Variants in ZSWIM6 observed in about 807,000 individuals in gnomAD.
ZSWIM6 encodes the protein zinc finger SWIM-type containing 6.
Under a neutral mutation model 113.2 loss-of-function variants are expected in ZSWIM6, and 9 were observed. That is an observed-to-expected ratio of 0.08 (90% CI 0.05 to 0.14). The LOEUF (loss-of-function observed/expected upper bound fraction) is 0.14, where lower values mean the gene tolerates loss of function less well. Ranked by LOEUF, ZSWIM6 falls within the 10% of genes least tolerant of loss-of-function variation. The probability of loss-of-function intolerance (pLI) is 1.00; values close to 1 mark genes in which losing one functional copy is unlikely to be tolerated. For synonymous variants in ZSWIM6, 611 were observed against 606.5 expected (o/e 1.01, Z -0.11); for missense variants, 1,162 against 1,552.2 (o/e 0.75, Z 4.22).
At chr5:61,430,196 G>T (rs980393606) in intron 1 of ZSWIM6, among the ~76,000 whole-genome samples, 2 of 152,004 alleles carry the variant, frequency 1.3e-5, no homozygotes, top group Admixed American at 1.3e-4. Flanking sequence ...AAGAAAGGTG[G>T]GAGGTGGCCT....
chr5:61,416,365 T>G (rs1355654164), intron 1 of ZSWIM6, among the ~76,000 whole-genome samples: 1 of 152,216 alleles, frequency 6.6e-6, no homozygotes. Context: ...AAATTTTTAA[T>G]AAGAATTTTA....
intron 1 of ZSWIM6, among the ~76,000 whole-genome samples, chr5:61,341,365 G>A (rs1744540622): frequency 1.3e-5 from 2 of 152,280 alleles, no homozygotes; most frequent in East Asian, 1.9e-4. Context: ...ATTAATCGTC[G>A]TAAAATGTAT....
intron 1 of ZSWIM6, among the ~76,000 whole-genome samples, chr5:61,381,402 A>T (rs1188253441): frequency 6.6e-6 from 1 of 152,252 alleles, no homozygotes; most frequent in Non-Finnish European, 1.5e-5. Flanking sequence ...CTTACTTTTT[A>T]AAGAGTATTT....
At chr5:61,435,741 T>G (rs1310074400) in intron 1 of ZSWIM6, among the ~76,000 whole-genome samples, 1 of 152,208 alleles carries the variant, frequency 6.6e-6, no homozygotes, top group African/African-American at 2.4e-5. Flanking sequence ...ATTTATTATA[T>G]TTTATAAGGT....
At chr5:61,531,416 T>C (rs1749426302) in intron 8 of ZSWIM6, 49 bp from the exon 9 acceptor site, 1 of 1,517,258 alleles carries the variant, frequency 6.6e-7, no homozygotes, top group Non-Finnish European at 8.9e-7. Context: ...TATCATATCA[T>C]CTGCAAAAGT....
Position 61,539,604 on chromosome 5 carries a change from C to T in ZSWIM6, c.2548C>T (p.Arg850Trp), listed in dbSNP as rs530583602. Reference sequence around the variant, plus strand: ...TCCCTTGTTCATTGCAGGCGATGTTCGGAGGCTGGAAACAGTATTAGAATC... The same window carrying T: ...TCCCTTGTTCATTGCAGGCGATGTTTGGAGGCTGGAAACAGTATTAGAATC... ...TMLTAAKGDVRRLETVLESIQ... is the reference protein window; with the variant it reads ...TMLTAAKGDVWRLETVLESIQ... Residue 850 changes from arginine to tryptophan, a missense_variant, in exon 12 of 14, where the codon CGG becomes TGG. By Grantham distance (101) the Arg-to-Trp change is moderately radical. Transcript: ENST00000252744. The T allele has an allele frequency of 1.0e-5, 16 of 1,550,320 alleles. No individual in the cohort carries two copies. Among genetic ancestry groups the T allele is most frequent in the Middle Eastern group, 1.7e-4 (1 of 5,990 alleles).
chr5:61,543,733 A>G lies in ZSWIM6; in HGVS notation c.3064A>G (p.Thr1022Ala). The change falls in exon 14 of 14, where the codon ACG becomes GCG. Residue 1022 changes from threonine (T) to alanine (A), a missense_variant. By Grantham distance (58) the Thr-to-Ala change is moderately conservative (BLOSUM62 0). Transcript: ENST00000252744. This position sits in a 1 kb window ranked among gnomAD's most constrained non-coding sequence, Gnocchi z 4.3. ...TAYQIVLDAA[T>A]TGMSYTQLFT... ...GTACCAAATTGTTCTCGACGCTGCT[A>G]CGACTGGCATGAGCTATACACAGCT... 6.4e-7 allele frequency: 1 copy of G among 1,551,736 alleles called. No individual in the cohort carries two copies. The highest frequency in any genetic ancestry group is 8.7e-7 in the Non-Finnish European group (1 of 1,147,000).
At chr5:61,346,455 G>C (rs1168248751) in intron 1 of ZSWIM6, among the ~76,000 whole-genome samples, 1 of 152,132 alleles carries the variant, frequency 6.6e-6, no homozygotes, top group African/African-American at 2.4e-5. Flanking sequence ...CTGACCTATT[G>C]ATATCAATGT....
chr5:61,429,703 A>G (rs1490117548), intron 1 of ZSWIM6, among the ~76,000 whole-genome samples: 3 of 152,012 alleles, frequency 2.0e-5, no homozygotes, highest in Admixed American at 1.3e-4. Context: ...GTATGTGTCT[A>G]TGTGTGTGTG....
In ZSWIM6 at chr5:61,387,413, C is replaced by T. The variant is rs534951653; in HGVS notation, c.676+54465C>T. ...GTGTGATGGCCCATGCCTTTAATCTCAGCACTGTGGGAGGCTGAGGCAGGT... is the reference window on the plus strand; with the variant it reads ...GTGTGATGGCCCATGCCTTTAATCTTAGCACTGTGGGAGGCTGAGGCAGGT... On this transcript the variant is annotated intron_variant, in intron 1 of 13. Transcript: ENST00000252744. Among the ~76,000 whole-genome samples, 115 of 152,356 alleles carry T rather than the reference C, an allele frequency of 7.5e-4. 1 individual carries two copies. The highest frequency in any genetic ancestry group is 6.8e-3 in the Middle Eastern group (2 of 294).
intron 1 of ZSWIM6, among the ~76,000 whole-genome samples, chr5:61,395,910 CTT>C (rs200792174): frequency 1.4e-5 from 2 of 147,304 alleles, no homozygotes; most frequent in African/African-American, 5.0e-5. Context: ...TTAAGCTCTA[CTT>C]TTTTTTTTAT....
intron 1 of ZSWIM6, among the ~76,000 whole-genome samples, chr5:61,336,955 G>C (rs1199064566): frequency 1.3e-5 from 2 of 152,054 alleles, no homozygotes; most frequent in Non-Finnish European, 2.9e-5. Flanking sequence ...GTAGATGGCC[G>C]GTAAACATAC....
intron 1 of ZSWIM6, chr5:61,375,530 A>T: frequency 6.4e-7 from 1 of 1,551,964 alleles, no homozygotes; most frequent in Admixed American, 2.0e-5. Flanking sequence ...AACCGTTCAC[A>T]TAAATCTTCT....
At chr5:61,354,613 T>G (rs1744860367) in intron 1 of ZSWIM6, among the ~76,000 whole-genome samples, 2 of 152,234 alleles carry the variant, frequency 1.3e-5, no homozygotes, top group Admixed American at 1.3e-4. Context: ...CACTTTCTGG[T>G]AAGCGAAGGA....
chr5:61,415,287 G>T (rs1746223810), intron 1 of ZSWIM6, among the ~76,000 whole-genome samples: 1 of 152,134 alleles, frequency 6.6e-6, no homozygotes, highest in South Asian at 2.1e-4. Flanking sequence ...TATGACATAG[G>T]AATATTTAGG....
At chr5:61,423,820 T>A (rs1366431658) in intron 1 of ZSWIM6, among the ~76,000 whole-genome samples, 1 of 152,224 alleles carries the variant, frequency 6.6e-6, no homozygotes, top group Non-Finnish European at 1.5e-5. Context: ...GTTCAGCTTT[T>A]CCTTTTCATT....
At chr5:61,413,826 G>A (rs996989344) in intron 1 of ZSWIM6, among the ~76,000 whole-genome samples, 3 of 151,758 alleles carry the variant, frequency 2.0e-5, no homozygotes, top group African/African-American at 4.8e-5. Context: ...ATCTTCTTTT[G>A]AGAAGTATCT....
In ZSWIM6 at chr5:61,397,288, A is replaced by G. The variant is rs576415500; in HGVS notation, c.676+64340A>G. On this transcript the variant is annotated intron_variant, in intron 1 of 13. Transcript: ENST00000252744. ...ATACAAATGTTTTTATGTAATCAAA[A>G]TGAGTTTTCTTAAATTTAAATACAT... is the stretch of plus-strand genomic sequence containing the variant. 6.6e-5 allele frequency among the ~76,000 whole-genome samples: 10 copies of G among 152,370 alleles called. No individual in the cohort carries two copies. In the East Asian group the frequency reaches 1.9e-3, roughly 29 times the overall value.
chr5:61,380,888 C>T (rs769530355), intron 1 of ZSWIM6, among the ~76,000 whole-genome samples: 2 of 151,338 alleles, frequency 1.3e-5, no homozygotes, highest in Non-Finnish European at 2.9e-5. Flanking sequence ...ATCGCTTGAA[C>T]CCAGGAGTTA....
Sources: allele counts gnomAD v4.1 joint callset (sites outside exome capture counted in the v4.1 genomes callset), GRCh38; gene constraint gnomAD v4.1.1; non-coding constraint Gnocchi (gnomAD v3.1); transcripts MANE v1.5; gene names NCBI Gene and HGNC (gene_info 2026-07-23, HGNC 2026-07-21).